Variants in TRIM44 observed in about 807,000 individuals in gnomAD.
The protein encoded by TRIM44 is tripartite motif containing 44.
A neutral mutation model predicts 37.4 loss-of-function variants in TRIM44; 13 were observed. The ratio of observed to expected loss-of-function variants is 0.35; its 90% CI spans 0.23 to 0.55. The LOEUF (loss-of-function observed/expected upper bound fraction) is 0.55, where lower values mean the gene tolerates loss of function less well. Ranked by LOEUF, TRIM44 falls within the 20% of genes least tolerant of loss-of-function variation. The pLI is 0.89. For missense variants in TRIM44, 426 were observed against 437.2 expected, an observed-to-expected ratio of 0.97 and a Z score of 0.23; for synonymous variants, 175 against 157.2, an observed-to-expected ratio of 1.11 and a Z score of -0.85.
chr11:35,742,237 C>T (rs1448545970), intron 4 of TRIM44, among the ~76,000 whole-genome samples: 1 of 151,666 alleles, frequency 6.6e-6, no homozygotes, highest in African/African-American at 2.4e-5. Context: ...GCCACCACAT[C>T]TAGCCAGCAA....
chr11:35,663,494 A>G lies in TRIM44; in HGVS notation c.383A>G (p.Asp128Gly), dbSNP rs1188608011. 5 of 1,577,420 alleles carry G rather than the reference A, an allele frequency of 3.2e-6. No homozygotes were observed. Among genetic ancestry groups the G allele is most frequent in the Non-Finnish European group, 4.3e-6 (5 of 1,161,000 alleles). Residue 128 changes from aspartate (D) to glycine (G), a missense_variant, in exon 1 of 5, where the codon GAC (aspartate) becomes GGC (glycine). Asp to Gly is a moderately conservative substitution (Grantham distance 94, BLOSUM62 -1). Transcript: ENST00000299413. ...GAGAGCGATGAGGAGAGTGAAGAAG[A>G]CAGCGAGGAAGAAATGGAGGATGAG... Reference protein sequence around the residue: ...EDESDEESEEDSEEEMEDEQE... With the variant: ...EDESDEESEEGSEEEMEDEQE...
At chr11:35,786,481 C>T (rs1853132459) in intron 4 of TRIM44, among the ~76,000 whole-genome samples, 1 of 152,196 alleles carries the variant, frequency 6.6e-6, no homozygotes, top group African/African-American at 2.4e-5. Flanking sequence ...ACTTACACTA[C>T]TACCACCTCA....
chr11:35,678,897 A>T (rs1179071012), intron 1 of TRIM44, among the ~76,000 whole-genome samples: 1 of 151,792 alleles, frequency 6.6e-6, no homozygotes, highest in Non-Finnish European at 1.5e-5. Flanking sequence ...ACTGCGCCTG[A>T]CCAAGGAGGA....
At chr11:35,707,347 T>G (rs1325547258) in intron 2 of TRIM44, among the ~76,000 whole-genome samples, 1 of 152,070 alleles carries the variant, frequency 6.6e-6, no homozygotes, top group Non-Finnish European at 1.5e-5. Context: ...CCCAAGGTAA[T>G]TTATAGATTC....
At chr11:35,777,549 G>A (rs940832192) in intron 4 of TRIM44, among the ~76,000 whole-genome samples, 10 of 152,148 alleles carry the variant, frequency 6.6e-5, no homozygotes, top group African/African-American at 2.4e-4. Context: ...TCCTAGCATC[G>A]ATGGTCTTTA....
chr11:35,729,706 A>C (rs556917387), intron 3 of TRIM44, among the ~76,000 whole-genome samples: 32 of 152,336 alleles, frequency 2.1e-4, no homozygotes, highest in Middle Eastern at 3.4e-3. Flanking sequence ...TATAAACTTA[A>C]GGTGACATAT....
At chr11:35,684,101 A>G (rs138563410) in intron 1 of TRIM44, among the ~76,000 whole-genome samples, 2 of 152,268 alleles carry the variant, frequency 1.3e-5, no homozygotes, top group East Asian at 1.9e-4. Context: ...TCACACAGCT[A>G]GTGTGTGACT....
At chr11:35,676,241 C>T (rs904028903) in intron 1 of TRIM44, among the ~76,000 whole-genome samples, 1 of 152,180 alleles carries the variant, frequency 6.6e-6, no homozygotes, top group African/African-American at 2.4e-5. Context: ...ATATCATAAG[C>T]CCTCAGCAAT....
intron 4 of TRIM44, among the ~76,000 whole-genome samples, chr11:35,739,877 G>T (rs1035084822): frequency 6.6e-6 from 1 of 152,090 alleles, no homozygotes; most frequent in African/African-American, 2.4e-5. Context: ...GACTGACCCT[G>T]ATCACGAGGT....
At position 35,806,414 on chromosome 11, in the gene TRIM44, C is replaced by T; in HGVS notation, c.*29C>T. On this transcript the variant is annotated 3_prime_UTR_variant, in exon 5 of 5. Transcript: ENST00000299413. ...CTTGCTACCCCCAGTGGAAAATCAT[C>T]CCCTCCCCTTGTGTGTATGTGACAG... 2 of 1,612,954 alleles carry T rather than the reference C, an allele frequency of 1.2e-6. No individual in the cohort carries two copies. Among genetic ancestry groups the T allele is most frequent in the East Asian group, 2.2e-5 (1 of 44,864 alleles).
At chr11:35,710,743 G>A (rs531915817) in intron 2 of TRIM44, among the ~76,000 whole-genome samples, 6 of 152,286 alleles carry the variant, frequency 3.9e-5, no homozygotes, top group African/African-American at 7.2e-5. Context: ...CTTTACAGAT[G>A]TACATTTCTC....
chr11:35,749,358 T>C (rs899714664), intron 4 of TRIM44, among the ~76,000 whole-genome samples: 11 of 152,118 alleles, frequency 7.2e-5, no homozygotes, highest in Non-Finnish European at 1.3e-4. Context: ...TTCTGGCTGG[T>C]AGGAAGATAT....
intron 2 of TRIM44, among the ~76,000 whole-genome samples, chr11:35,704,520 G>C (rs2135503141): frequency 6.6e-6 from 1 of 152,260 alleles, no homozygotes; most frequent in East Asian, 1.9e-4. Context: ...AGAAAGGTCG[G>C]GTTACCCACA....
At chr11:35,732,389 A>G (rs1202275272) in intron 3 of TRIM44, among the ~76,000 whole-genome samples, 3 of 152,226 alleles carry the variant, frequency 2.0e-5, no homozygotes, top group Non-Finnish European at 4.4e-5. Flanking sequence ...GGAAGTTGGT[A>G]TTTAATAGAC....
At chr11:35,702,611 C>G (rs1015932263) in intron 2 of TRIM44, among the ~76,000 whole-genome samples, 2 of 152,194 alleles carry the variant, frequency 1.3e-5, no homozygotes, top group Non-Finnish European at 2.9e-5. Flanking sequence ...CTGGAACTTT[C>G]TGGTGTTGCC....
intron 4 of TRIM44, among the ~76,000 whole-genome samples, chr11:35,757,283 T>G (rs1218032475): frequency 2.0e-5 from 3 of 152,250 alleles, no homozygotes; most frequent in African/African-American, 7.2e-5. Flanking sequence ...TTCTAATTTA[T>G]TTGCGTAGAG....
intron 2 of TRIM44, among the ~76,000 whole-genome samples, chr11:35,693,806 C>T (rs1234450208): frequency 1.3e-5 from 2 of 152,146 alleles, no homozygotes; most frequent in African/African-American, 2.4e-5. Flanking sequence ...TTTCTTTCAG[C>T]TCTTGTCATT....
intron 4 of TRIM44, among the ~76,000 whole-genome samples, chr11:35,774,177 G>A (rs926915067): frequency 2.0e-5 from 3 of 152,202 alleles, no homozygotes; most frequent in African/African-American, 7.2e-5. Context: ...ACTGGTGTGA[G>A]ATGGTATCTC....
In TRIM44 at chr11:35,815,648, A is replaced by T. The variant is rs1223246112; in HGVS notation, c.*9263A>T. ...CCTAGCCCACTTGTGGCCAAATTAT[A>T]CTTGACTGTTATGTACTCAAAACAA... On this transcript the variant is annotated 3_prime_UTR_variant, in exon 5 of 5. Transcript: ENST00000299413. 6.6e-6 allele frequency: 1 copy of T among 152,162 alleles called. No individual in the cohort carries two copies. Among genetic ancestry groups the T allele is most frequent in the Non-Finnish European group, 1.5e-5 (1 of 68,026 alleles). 9.4% of individuals were successfully genotyped at this position (152,162 alleles called of 1,614,324 possible). A position where few individuals can be genotyped will look rare whatever the true frequency, so the allele number is the denominator to read the frequency against.
Sources: allele counts gnomAD v4.1 joint callset (sites outside exome capture counted in the v4.1 genomes callset), GRCh38; gene constraint gnomAD v4.1.1; transcripts MANE v1.5; gene names NCBI Gene and HGNC (gene_info 2026-07-23, HGNC 2026-07-21).